Variants in CADPS2 observed in about 807,000 individuals in gnomAD.
CADPS2 encodes the protein calcium dependent secretion activator 2, also known as calcium-dependent secretion activator 2.
CADPS2 carries 93 observed loss-of-function variants against 172.5 expected under a neutral mutation model. The ratio of observed to expected loss-of-function variants is 0.54; its 90% CI spans 0.46 to 0.64. CADPS2 has a LOEUF of 0.64. Ranked by LOEUF, CADPS2 falls within the 30% of genes least tolerant of loss-of-function variation. CADPS2 has a pLI of 0.00. For synonymous variants in CADPS2, 546 were observed against 555.2 expected, an observed-to-expected ratio of 0.98 and a Z score of 0.23; for missense variants, 1,420 against 1,565.9, an observed-to-expected ratio of 0.91 and a Z score of 1.57.
chr7:122,786,756 AT>A (rs916370491), intron 1 of CADPS2, among the ~76,000 whole-genome samples: 220 of 151,000 alleles, frequency 1.5e-3, no homozygotes, highest in African/African-American at 5.0e-3. Context: ...CCATATCCCC[AT>A]TTTTTTTTCT....
intron 9 of CADPS2, among the ~76,000 whole-genome samples, chr7:122,500,426 C>G (rs191007485): frequency 3.3e-5 from 5 of 152,176 alleles, no homozygotes; most frequent in Admixed American, 3.3e-4. Flanking sequence ...AAAAAACTAA[C>G]AGTTTAACAG....
chr7:122,783,696 C>T (rs1282172513), intron 1 of CADPS2, among the ~76,000 whole-genome samples: 1 of 152,176 alleles, frequency 6.6e-6, no homozygotes, highest in African/African-American at 2.4e-5. Flanking sequence ...TTAACAAAGG[C>T]TTGAGTCAAA....
chr7:122,346,460 C>T lies in CADPS2; in HGVS notation c.3505-779G>A, dbSNP rs560254725. Among the ~76,000 whole-genome samples the T allele has an allele frequency of 8.5e-5, 13 of 152,178 alleles. No homozygotes were observed. The South Asian group carries it at 2.7e-3, about 32-fold the overall frequency. On this transcript the variant is annotated intron_variant, in intron 27 of 29. Transcript: ENST00000449022. ...AACTACTATGGGCGTTCAAGGAATA[C>T]AAACTAAATTTTTTATTAAGCTGAG...
intron 9 of CADPS2, among the ~76,000 whole-genome samples, chr7:122,504,711 T>G (rs2059480915): frequency 1.3e-5 from 2 of 152,062 alleles, no homozygotes; most frequent in Non-Finnish European, 2.9e-5. Flanking sequence ...GGACTACAGG[T>G]GCATGCCACT....
rs572786367 is a variant in CADPS2 at position 122,489,672 on chromosome 7, A to T, written c.1852+409T>A. Among the ~76,000 whole-genome samples the T allele has an allele frequency of 6.0e-4, 91 of 152,290 alleles. 1 individual carries two copies. In the South Asian group the frequency reaches 0.018, roughly 30 times the overall value. ...CTATTATCCTTCTGGGGTATTAAGA[A>T]CAATTCTAGAAGGTAATGGTTCATC... On this transcript the variant is annotated intron_variant, in intron 11 of 29. Transcript: ENST00000449022.
intron 1 of CADPS2, among the ~76,000 whole-genome samples, chr7:122,787,893 C>T (rs1794410491): frequency 6.6e-6 from 1 of 152,124 alleles, no homozygotes. Context: ...TCCCAAGGTC[C>T]AGCCACCAGC....
intron 1 of CADPS2, among the ~76,000 whole-genome samples, chr7:122,786,364 T>C (rs1336658016): frequency 6.6e-6 from 1 of 152,164 alleles, no homozygotes; most frequent in Non-Finnish European, 1.5e-5. Context: ...ACTGATCAGA[T>C]AATGTCTGGA....
rs572304845 is a variant in CADPS2 at position 122,689,026 on chromosome 7, CCT to C, written c.454-25459_454-25458del. The stretch of plus-strand genomic sequence containing the variant: ...ATTCCACCCCCTAGGCTGATGGAGT[CCT>C]TTTAGTGAGGACCGGTGCACATAGG... On this transcript the variant is annotated intron_variant, in intron 2 of 29. Coordinates refer to ENST00000449022, the MANE Select transcript of CADPS2 (RefSeq NM_017954.11). Among the ~76,000 whole-genome samples the C allele has an allele frequency of 1.2e-4, 18 of 152,212 alleles. No individual in the cohort carries two copies. In the East Asian group the frequency reaches 3.5e-3, roughly 29 times the overall value.
intron 2 of CADPS2, among the ~76,000 whole-genome samples, chr7:122,705,576 TTATA>T (rs1190716961): frequency 1.8e-5 from 2 of 110,336 alleles, no homozygotes; most frequent in South Asian, 2.7e-4. Flanking sequence ...ATTATCTATA[TTATA>T]TATTATATAA....
intron 8 of CADPS2, among the ~76,000 whole-genome samples, chr7:122,533,172 G>T (rs930395984): frequency 6.6e-6 from 1 of 151,954 alleles, no homozygotes; most frequent in Non-Finnish European, 1.5e-5. Flanking sequence ...AGATGCTAGA[G>T]AAATTCCTTG....
At chr7:122,403,190 G>A (rs984315820) in intron 20 of CADPS2, among the ~76,000 whole-genome samples, 2 of 152,022 alleles carry the variant, frequency 1.3e-5, no homozygotes, top group African/African-American at 2.4e-5. Context: ...GAAGAATTAT[G>A]TTTTATCAGC....
At chr7:122,681,228 T>C (rs1405952202) in intron 2 of CADPS2, 8 of 691,648 alleles carry the variant, frequency 1.2e-5, no homozygotes, top group Non-Finnish European at 2.1e-5. Flanking sequence ...TGTATACATA[T>C]GTAATGAACC....
At chr7:122,434,541 T>A (rs2050393375) in intron 17 of CADPS2, among the ~76,000 whole-genome samples, 2 of 152,168 alleles carry the variant, frequency 1.3e-5, no homozygotes, top group African/African-American at 4.8e-5. Context: ...CCAGAGTGCC[T>A]ACTTTGTGTC....
At chr7:122,508,629 C>T (rs1199564955) in intron 9 of CADPS2, among the ~76,000 whole-genome samples, 1 of 150,782 alleles carries the variant, frequency 6.6e-6, no homozygotes, top group East Asian at 1.9e-4. Flanking sequence ...GGCACCTAGC[C>T]TTAGGTAGAT....
intron 1 of CADPS2, among the ~76,000 whole-genome samples, chr7:122,869,891 GC>G (rs1486572122): frequency 6.6e-6 from 1 of 152,044 alleles, no homozygotes; most frequent in Non-Finnish European, 1.5e-5. Flanking sequence ...GCTTTAAACA[GC>G]CTGTTATTAG....
chr7:122,550,161 C>T (rs889644091), intron 8 of CADPS2, among the ~76,000 whole-genome samples: 1 of 152,176 alleles, frequency 6.6e-6, no homozygotes, highest in Non-Finnish European at 1.5e-5. Flanking sequence ...CGGTGTGGGG[C>T]TTGTCTCGTT....
chr7:122,761,549 A>G (rs2093378707), intron 1 of CADPS2, among the ~76,000 whole-genome samples: 1 of 152,148 alleles, frequency 6.6e-6, no homozygotes, highest in African/African-American at 2.4e-5. Context: ...AAAAAAATTA[A>G]TGGAAAAAGG....
chr7:122,564,164 T>C (rs2066105352), intron 7 of CADPS2, among the ~76,000 whole-genome samples: 1 of 152,168 alleles, frequency 6.6e-6, no homozygotes, highest in Non-Finnish European at 1.5e-5. Flanking sequence ...AAGGGATCCA[T>C]GCAAGGTCTA....
At chr7:122,827,021 C>A (rs1805096837) in intron 1 of CADPS2, among the ~76,000 whole-genome samples, 2 of 151,982 alleles carry the variant, frequency 1.3e-5, no homozygotes, top group South Asian at 2.1e-4. Context: ...AACTGGTAAA[C>A]CTCCAGCAAC....
Sources: allele counts gnomAD v4.1 joint callset (sites outside exome capture counted in the v4.1 genomes callset), GRCh38; gene constraint gnomAD v4.1.1; transcripts MANE v1.5; gene names NCBI Gene and HGNC (gene_info 2026-07-23, HGNC 2026-07-21).